ANK3: variants seen among roughly 807,000 people sequenced by gnomAD.
ANK3 encodes the protein ankyrin-3.
Under a neutral mutation model 370.9 loss-of-function variants are expected in ANK3, and 57 were observed. That is an observed-to-expected ratio of 0.15 (90% CI 0.12 to 0.19). The LOEUF (loss-of-function observed/expected upper bound fraction) is 0.19, where lower values mean the gene tolerates loss of function less well. Ranked by LOEUF, ANK3 falls within the 10% of genes least tolerant of loss-of-function variation. The pLI is 1.00. For missense variants in ANK3, 4,439 were observed against 5,302.1 expected, an observed-to-expected ratio of 0.84 and a Z score of 5.06; for synonymous variants, 1,929 against 1,946.3, an observed-to-expected ratio of 0.99 and a Z score of 0.23.
At chr10:60,447,958 C>A (rs1037294185) in intron 2 of ANK3, among the ~76,000 whole-genome samples, 2 of 152,042 alleles carry the variant, frequency 1.3e-5, no homozygotes, top group African/African-American at 4.8e-5. Context: ...ATATAGGGAC[C>A]CTTAAAATGA....
intron 42 of ANK3, chr10:60,044,382 T>C: frequency 2.1e-6 from 2 of 949,056 alleles, no homozygotes; most frequent in Non-Finnish European, 2.5e-6. Flanking sequence ...AGCAACATAC[T>C]AGATGGAGAA....
At chr10:60,211,892 CAAAAAAA>C (rs72238553) in intron 9 of ANK3, among the ~76,000 whole-genome samples, 16 of 93,390 alleles carry the variant, frequency 1.7e-4, no homozygotes, top group African/African-American at 4.3e-4. Context: ...AATACAGAGC[CAAAAAAA>C]AAAAAAAAAA....
chr10:60,287,249 A>G (rs1431774974), intron 1 of ANK3, among the ~76,000 whole-genome samples: 1 of 152,190 alleles, frequency 6.6e-6, no homozygotes, highest in Admixed American at 6.5e-5. Flanking sequence ...GTGCTAGTTC[A>G]AAGATGTACT....
At chr10:60,038,029 A>C (rs1031761216) in intron 43 of ANK3, among the ~76,000 whole-genome samples, 2 of 152,204 alleles carry the variant, frequency 1.3e-5, no homozygotes, top group Non-Finnish European at 2.9e-5. Flanking sequence ...TTTAATGTGC[A>C]ATTCTCTAAT....
rs553731786 is a variant in ANK3 at position 60,071,448 on chromosome 10, G to T, written c.9433C>A (p.Gln3145Lys). ...TRQQKQPPSP[Q>K]GSPEDDTLEQ... ...AGAGTATCATCTTCTGGACTACCTT[G>T]GGGAGAAGGAGGTTGCTTTTGCTGT... Residue 3145 changes from glutamine to lysine, a missense_variant, in exon 37 of 44, where the codon CAA (glutamine) becomes AAA (lysine). This residue lies in a region of ANK3 where 1,601 missense variants were observed against 1,731.7 expected (regional missense o/e 0.92). Coordinates refer to ENST00000280772, the MANE Select transcript of ANK3 (RefSeq NM_020987.5). The T allele has an allele frequency of 6.2e-7, 1 of 1,614,062 alleles. No individual in the cohort carries two copies. Among genetic ancestry groups the T allele is most frequent in the African/African-American group, 1.3e-5 (1 of 75,028 alleles).
chr10:60,467,531 A>G (rs943422886), intron 2 of ANK3, among the ~76,000 whole-genome samples: 1 of 152,232 alleles, frequency 6.6e-6, no homozygotes, highest in Non-Finnish European at 1.5e-5. Flanking sequence ...TGATATTTAA[A>G]TATCAAAATT....
intron 7 of ANK3, among the ~76,000 whole-genome samples, chr10:60,248,181 T>G (rs1303482723): frequency 6.6e-6 from 1 of 152,200 alleles, no homozygotes; most frequent in Admixed American, 6.5e-5. Context: ...TTCATTATTT[T>G]GGGTATATAC....
At chr10:60,438,007 A>AT (rs1268588872) in intron 2 of ANK3, among the ~76,000 whole-genome samples, 1 of 152,030 alleles carries the variant, frequency 6.6e-6, no homozygotes, top group Non-Finnish European at 1.5e-5. Flanking sequence ...GTTATTTACT[A>AT]TTTTTTCCAA....
intron 1 of ANK3, among the ~76,000 whole-genome samples, chr10:60,665,090 T>G (rs750560836): frequency 3.3e-5 from 5 of 152,132 alleles, no homozygotes; most frequent in Non-Finnish European, 5.9e-5. Context: ...CCAGCCCCAT[T>G]GGGTACTCAG....
In ANK3 at chr10:60,269,648, T is replaced by TC. The variant is rs71836520; in HGVS notation, c.513+482dup. Among the ~76,000 whole-genome samples, 699 of 109,986 alleles carry TC rather than the reference T, an allele frequency of 6.4e-3. 2 individuals are homozygous for TC. The highest frequency in any genetic ancestry group is 0.019 in the African/African-American group (555 of 29,136). 72.2% of individuals were successfully genotyped at this position (109,986 alleles called of 152,430 possible). A position where few individuals can be genotyped will look rare whatever the true frequency, so the allele number is the denominator to read the frequency against. ...TGACAGAGTGAGACTCCATCCCCCC[T>TC]CCCCCCCCCCAAAAAAAGTACCATA... On this transcript the variant is annotated intron_variant, in intron 5 of 43. Coordinates refer to ENST00000280772, the MANE Select transcript of ANK3 (RefSeq NM_020987.5).
At chr10:60,353,437 C>T (rs557117987) in intron 1 of ANK3, among the ~76,000 whole-genome samples, 1 of 152,122 alleles carries the variant, frequency 6.6e-6, no homozygotes, top group Non-Finnish European at 1.5e-5. Context: ...TCCTTGGTTA[C>T]CCCTGCCTAA....
In ANK3 at chr10:60,105,954, A is replaced by T. The variant is rs562083248; in HGVS notation, c.3279T>A (p.Phe1093Leu). 4.0e-5 allele frequency: 65 copies of T among 1,612,054 alleles called. No homozygotes were observed. Among genetic ancestry groups the T allele is most frequent in the Admixed American group, 3.0e-4 (18 of 59,740 alleles). Residue 1093 changes from phenylalanine (F) to leucine (L), a missense_variant, in exon 28 of 44, where the codon TTT (phenylalanine) becomes TTA (leucine). Phe to Leu is a conservative substitution (Grantham distance 22). This residue lies in a region of ANK3 where 702 missense variants were observed against 941.5 expected (regional missense o/e 0.75). Transcript: ENST00000280772. ...ENGETWKEHQ[F>L]DSKNEDLTEL... ...CGGTTAAATCTTCATTTTTGCTGTC[A>T]AACTGATGCTCCTTCCAAGTTTCAC...
At chr10:60,121,955 T>A (rs1271263993) in intron 25 of ANK3, among the ~76,000 whole-genome samples, 1 of 152,146 alleles carries the variant, frequency 6.6e-6, no homozygotes, top group Non-Finnish European at 1.5e-5. Flanking sequence ...ATAAAAATGA[T>A]AAACAGGATA....
chr10:60,325,838 T>C (rs918332527), intron 1 of ANK3, among the ~76,000 whole-genome samples: 3 of 152,160 alleles, frequency 2.0e-5, no homozygotes, highest in African/African-American at 7.2e-5. Flanking sequence ...ACATACGTTC[T>C]TTGCAGCACC....
intron 2 of ANK3, among the ~76,000 whole-genome samples, chr10:60,419,146 A>T (rs1474703567): frequency 6.6e-6 from 1 of 152,194 alleles, no homozygotes; most frequent in East Asian, 1.9e-4. Context: ...GGAAACATTT[A>T]CAAATGTCCC....
chr10:60,460,895 C>T (rs993561823), intron 2 of ANK3, among the ~76,000 whole-genome samples: 2 of 152,244 alleles, frequency 1.3e-5, no homozygotes, highest in East Asian at 3.9e-4. Context: ...CTATAATTCA[C>T]AATACCATAG....
intron 2 of ANK3, among the ~76,000 whole-genome samples, chr10:60,460,361 C>T (rs1043986153): frequency 2.0e-5 from 3 of 152,212 alleles, no homozygotes; most frequent in African/African-American, 7.2e-5. Flanking sequence ...GGAGAAAATA[C>T]AAGTTTGCAT....
At chr10:60,392,919 G>A (rs111298887), upstream of ANK3, among the ~76,000 whole-genome samples, 15,313 of 151,622 alleles carry the variant, frequency 0.1, 853 homozygotes, top group South Asian at 0.13. Context: ...ACAGAGCAAG[G>A]CTCTGTCCCT....
intron 1 of ANK3, among the ~76,000 whole-genome samples, chr10:60,350,025 C>T (rs922017081): frequency 1.3e-5 from 2 of 152,106 alleles, no homozygotes; most frequent in Non-Finnish European, 2.9e-5. Context: ...TATTTCAAGT[C>T]GAGTGATAAT....
Sources: gnomAD v4.1 joint callset for allele counts (sites outside exome capture counted in the v4.1 genomes callset) on GRCh38, gnomAD v4.1.1 for gene constraint, gnomAD v4.1.1 regional missense constraint, MANE v1.5 for transcripts, NCBI Gene and HGNC (gene_info 2026-07-23, HGNC 2026-07-21) for gene names.